Variants in SLC9A9 observed in about 807,000 individuals in gnomAD.
SLC9A9 encodes solute carrier family 9 member A9.
In SLC9A9, 62 loss-of-function variants were observed where a neutral mutation model predicts 77.8. That is an observed-to-expected ratio of 0.80 (90% CI 0.65 to 0.98). The LOEUF is 0.98. SLC9A9 is among the 50% of genes least tolerant of loss of function. The pLI, the probability that SLC9A9 is intolerant of heterozygous loss-of-function variation, is 0.00. For missense variants in SLC9A9, 775 were observed against 774.9 expected (o/e 1.00, Z 0.00); for synonymous variants, 320 against 283.5 (o/e 1.13, Z -1.29).
intron 14 of SLC9A9, among the ~76,000 whole-genome samples, chr3:143,345,998 T>C (rs931280637): frequency 1.3e-5 from 2 of 152,176 alleles, no homozygotes; most frequent in Non-Finnish European, 2.9e-5. Context: ...AATGTCCTCT[T>C]TAAAGCTACT....
chr3:143,406,745 G>T (rs2033989752), intron 12 of SLC9A9, among the ~76,000 whole-genome samples: 1 of 152,086 alleles, frequency 6.6e-6, no homozygotes, highest in South Asian at 2.1e-4. Flanking sequence ...GAAGGCCAAG[G>T]CCGGGAGATC....
intron 11 of SLC9A9, among the ~76,000 whole-genome samples, chr3:143,487,753 A>G (rs1367226558): frequency 6.6e-6 from 1 of 151,886 alleles, no homozygotes; most frequent in African/African-American, 2.4e-5. Flanking sequence ...AAACAGTGCT[A>G]AGACTTACTT....
intron 2 of SLC9A9, among the ~76,000 whole-genome samples, chr3:143,816,172 G>A (rs1315944898): frequency 2.0e-5 from 3 of 152,100 alleles, no homozygotes; most frequent in Non-Finnish European, 4.4e-5. Flanking sequence ...TATATGTGTA[G>A]TCGTAAACCA....
chr3:143,560,729 C>CAAAAA (rs11431519), intron 8 of SLC9A9, among the ~76,000 whole-genome samples: 3 of 148,562 alleles, frequency 2.0e-5, no homozygotes, highest in Non-Finnish European at 4.5e-5. Context: ...CTTTTTCCTT[C>CAAAAA]AAAAAAAAAA....
chr3:143,418,740 T>C (rs1203157174), intron 12 of SLC9A9, among the ~76,000 whole-genome samples: 3 of 152,122 alleles, frequency 2.0e-5, no homozygotes, highest in Admixed American at 6.5e-5. Flanking sequence ...TGAGCAATAT[T>C]GAGTGCCAAT....
At chr3:143,831,258 C>T (rs1427836042) in intron 2 of SLC9A9, among the ~76,000 whole-genome samples, 1 of 152,112 alleles carries the variant, frequency 6.6e-6, no homozygotes, top group African/African-American at 2.4e-5. Context: ...GTTCTTAGTA[C>T]ACACTTGTTA....
chr3:143,834,601 C>A (rs1255655194), intron 1 of SLC9A9, among the ~76,000 whole-genome samples: 7 of 98,716 alleles, frequency 7.1e-5, no homozygotes, highest in East Asian at 6.4e-4. Flanking sequence ...TTACAAAATG[C>A]TTTCAATGAA....
At chr3:143,308,417 A>T (rs995037793) in intron 14 of SLC9A9, among the ~76,000 whole-genome samples, 1 of 152,084 alleles carries the variant, frequency 6.6e-6, no homozygotes, top group African/African-American at 2.4e-5. Flanking sequence ...TCTACTAAAA[A>T]TACAAAAAAT....
At chr3:143,631,679 A>T (rs2038424586) in intron 6 of SLC9A9, among the ~76,000 whole-genome samples, 1 of 152,096 alleles carries the variant, frequency 6.6e-6, no homozygotes, top group African/African-American at 2.4e-5. Context: ...TGCCTGGGTT[A>T]AGGGGAGGGA....
Position 143,296,458 on chromosome 3 carries a change from T to C in SLC9A9, c.1605-27478A>G, listed in dbSNP as rs1178982040. Among the ~76,000 whole-genome samples the C allele has an allele frequency of 2.6e-5, 4 of 152,222 alleles. No individual in the cohort carries two copies. The East Asian group carries it at 5.8e-4, about 22-fold the overall frequency. The stretch of plus-strand genomic sequence containing the variant: ...TATATGCCTCATTTTCTTTATCCAT[T>C]GATCCACTGATGGACACAGCTCAAT... On this transcript the variant is annotated intron_variant, in intron 14 of 15. Coordinates refer to ENST00000316549, the MANE Select transcript of SLC9A9 (RefSeq NM_173653.4).
chr3:143,378,195 C>T (rs978239515), intron 13 of SLC9A9, among the ~76,000 whole-genome samples: 13 of 152,158 alleles, frequency 8.5e-5, no homozygotes, highest in African/African-American at 3.1e-4. Context: ...AGGAAGAGAG[C>T]TTTGAATTGG....
At chr3:143,355,004 A>C (rs949478422) in intron 14 of SLC9A9, among the ~76,000 whole-genome samples, 1 of 152,238 alleles carries the variant, frequency 6.6e-6, no homozygotes, top group South Asian at 2.1e-4. Context: ...TATCTGTAGT[A>C]TAATTTCCAG....
chr3:143,785,640 T>C (rs914575198), intron 4 of SLC9A9, among the ~76,000 whole-genome samples: 7 of 152,118 alleles, frequency 4.6e-5, no homozygotes, highest in Non-Finnish European at 7.4e-5. Flanking sequence ...AATAGGTAAC[T>C]GATATACTCC....
chr3:143,551,615 T>C (rs2036886100), intron 9 of SLC9A9, among the ~76,000 whole-genome samples: 1 of 152,210 alleles, frequency 6.6e-6, no homozygotes, highest in Admixed American at 6.5e-5. Context: ...CTGGAAACTT[T>C]CTCCTGACTT....
intron 4 of SLC9A9, among the ~76,000 whole-genome samples, chr3:143,704,503 T>G (rs561211903): frequency 2.0e-5 from 3 of 152,240 alleles, no homozygotes; most frequent in African/African-American, 7.2e-5. Flanking sequence ...CAAAAACGCA[T>G]TTGATACAGC....
chr3:143,503,761 C>G (rs1350382029), intron 9 of SLC9A9: 1 of 342,346 alleles, frequency 2.9e-6, no homozygotes, highest in East Asian at 8.4e-5. Flanking sequence ...ATGAGTCCTT[C>G]TATAATGCTA....
At chr3:143,826,855 C>T (rs1258630918) in intron 2 of SLC9A9, among the ~76,000 whole-genome samples, 1 of 152,102 alleles carries the variant, frequency 6.6e-6, no homozygotes, top group East Asian at 1.9e-4. Flanking sequence ...TTCCTATTAC[C>T]CTTAATAAGA....
intron 2 of SLC9A9, chr3:143,811,803 A>G (rs1296231300): frequency 1.1e-5 from 5 of 443,148 alleles, no homozygotes; most frequent in African/African-American, 2.0e-5. Flanking sequence ...CAGAGGTTGC[A>G]GTGAGCCAGG....
At chr3:143,501,116 G>C (rs1238057765) in intron 9 of SLC9A9, among the ~76,000 whole-genome samples, 1 of 150,008 alleles carries the variant, frequency 6.7e-6, no homozygotes, top group Non-Finnish European at 1.5e-5. Flanking sequence ...TTTTCAATCG[G>C]GAAATTTTAT....
Sources: allele counts gnomAD v4.1 joint callset (sites outside exome capture counted in the v4.1 genomes callset), GRCh38; gene constraint gnomAD v4.1.1; transcripts MANE v1.5; gene names NCBI Gene and HGNC (gene_info 2026-07-23, HGNC 2026-07-21).